Variants in TEX11 observed in about 807,000 individuals in gnomAD.
The protein encoded by TEX11 is testis expressed 11.
TEX11 carries 7 observed loss-of-function variants against 84.4 expected under a neutral mutation model. The ratio of observed to expected loss-of-function variants is 0.08; its 90% CI spans 0.05 to 0.16. The LOEUF is 0.16. Ranked by LOEUF, TEX11 falls within the 10% of genes least tolerant of loss-of-function variation. The pLI is 1.00. For missense variants in TEX11, 551 were observed against 660.5 expected, an observed-to-expected ratio of 0.83 and a Z score of 1.82; for synonymous variants, 264 against 222.8, an observed-to-expected ratio of 1.18 and a Z score of -1.64.
chrX:70,557,946 C>T (rs914913559), intron 25 of TEX11, among the ~76,000 whole-genome samples: 9 of 111,287 alleles, frequency 8.1e-5, no homozygotes, highest in Admixed American at 2.9e-4. Context: ...GTCAGGAGTT[C>T]GAGACCAGCC....
intron 28 of TEX11, among the ~76,000 whole-genome samples, chrX:70,536,258 T>C (rs1353423312): frequency 9.0e-6 from 1 of 111,114 alleles, no homozygotes; most frequent in South Asian, 3.7e-4. Flanking sequence ...TTTATTTATT[T>C]ATTTATTTTT....
At position 70,682,823 on chromosome X, in the gene TEX11, T is replaced by C. The variant is rs1164088818; in HGVS notation, c.1007A>G (p.Glu336Gly). ...CGTCAGGAAATGAAACCCAACAGAT[T>C]CTCTGTACAATGAGACACAATTTTA... is the stretch of plus-strand genomic sequence containing the variant. The part of the protein sequence containing the change: ...IAKLLMDHER[E>G]SVGFHFLTII... The change falls in exon 14 of 30, where the codon GAA becomes GGA. Residue 336 changes from glutamate (E) to glycine (G), a missense_variant and splice_region_variant. By Grantham distance (98) the Glu-to-Gly change is moderately conservative. Transcript: ENST00000374333. The C allele has an allele frequency of 8.3e-7, 1 of 1,207,104 alleles. No homozygotes were observed. The highest frequency in any genetic ancestry group is 1.1e-6 in the Non-Finnish European group (1 of 893,794).
chrX:70,603,994 A>C (rs2089165950), intron 24 of TEX11, among the ~76,000 whole-genome samples: 2 of 112,342 alleles, frequency 1.8e-5, no homozygotes, highest in African/African-American at 6.5e-5. Context: ...AATTATGTAT[A>C]TAGACATCCT....
At chrX:70,617,335 G>C (rs752893014) in intron 20 of TEX11, among the ~76,000 whole-genome samples, 1 of 84,505 alleles carries the variant, frequency 1.2e-5, no homozygotes, top group African/African-American at 3.6e-5. Flanking sequence ...AGAAGAATAA[G>C]TGAAGGTTTT....
intron 13 of TEX11, among the ~76,000 whole-genome samples, chrX:70,701,398 A>C (rs1187820314): frequency 8.9e-6 from 1 of 112,124 alleles, no homozygotes. Context: ...AAATGGAACA[A>C]CAAAGCCTGG....
intron 4 of TEX11, 134 bp downstream of exon 4, chrX:70,873,089 C>A (rs909163150): frequency 1.1e-4 from 42 of 397,516 alleles, no homozygotes; most frequent in Middle Eastern, 5.7e-4. Context: ...AACCATTGTT[C>A]CTGGGTTGTT....
At chrX:70,878,469 C>G (rs1261899184) in intron 3 of TEX11, among the ~76,000 whole-genome samples, 1 of 110,603 alleles carries the variant, frequency 9.0e-6, no homozygotes, top group African/African-American at 3.3e-5. Flanking sequence ...CCGTGCCCAG[C>G]CAACTGGATC....
intron 13 of TEX11, among the ~76,000 whole-genome samples, chrX:70,693,744 A>C (rs891141219): frequency 1.2e-4 from 13 of 111,947 alleles, no homozygotes; most frequent in Non-Finnish European, 2.3e-4. Context: ...TTATGTACTG[A>C]AATTTGCTAA....
chrX:70,808,514 A>T (rs899177099), intron 8 of TEX11, among the ~76,000 whole-genome samples: 11 of 107,484 alleles, frequency 1.0e-4, no homozygotes, highest in Middle Eastern at 4.8e-3. Flanking sequence ...AAATAATAAT[A>T]ATTATTATTA....
At chrX:70,680,872 G>A (rs1391270263) in intron 14 of TEX11, among the ~76,000 whole-genome samples, 1 of 112,067 alleles carries the variant, frequency 8.9e-6, no homozygotes, top group Non-Finnish European at 1.9e-5. Context: ...TATTGTGAAT[G>A]AGCAGACAGC....
At chrX:70,816,020 C>A (rs1236920727) in intron 8 of TEX11, among the ~76,000 whole-genome samples, 1 of 110,779 alleles carries the variant, frequency 9.0e-6, no homozygotes, top group Non-Finnish European at 1.9e-5. Context: ...TTTTGGTGTA[C>A]CCATCAACCG....
intron 21 of TEX11, among the ~76,000 whole-genome samples, chrX:70,609,437 C>T (rs925499802): frequency 9.0e-6 from 1 of 111,720 alleles, no homozygotes; most frequent in Non-Finnish European, 1.9e-5. Flanking sequence ...TCATTCACCA[C>T]CTGAGGTAGA....
intron 15 of TEX11, among the ~76,000 whole-genome samples, chrX:70,678,081 G>C (rs2090089509): frequency 9.0e-6 from 1 of 110,651 alleles, no homozygotes; most frequent in Admixed American, 9.6e-5. Context: ...CAAATTGCTG[G>C]GATTACAGGC....
intron 28 of TEX11, among the ~76,000 whole-genome samples, chrX:70,534,345 G>A (rs1351585830): frequency 1.8e-5 from 2 of 111,054 alleles, no homozygotes; most frequent in Non-Finnish European, 3.8e-5. Context: ...GTGGGAGTGA[G>A]GGAGGTGCTG....
chrX:70,624,401 C>T (rs886452268), intron 19 of TEX11, among the ~76,000 whole-genome samples: 4 of 111,540 alleles, frequency 3.6e-5, no homozygotes, highest in Non-Finnish European at 7.5e-5. Flanking sequence ...GATCACTATT[C>T]TTTGAAGGGA....
intron 11 of TEX11, among the ~76,000 whole-genome samples, chrX:70,731,594 A>G (rs1442460440): frequency 7.2e-5 from 8 of 111,750 alleles, no homozygotes; most frequent in Non-Finnish European, 1.5e-4. Flanking sequence ...CCCTCCCAAG[A>G]CTAAACCAGG....
At chrX:70,524,764 C>A (rs2087807813), downstream of TEX11, among the ~76,000 whole-genome samples, 1 of 112,100 alleles carries the variant, frequency 8.9e-6, no homozygotes, top group Non-Finnish European at 1.9e-5. Context: ...CGGGGTTTCT[C>A]CATGTTGGTC....
intron 9 of TEX11, among the ~76,000 whole-genome samples, chrX:70,751,376 C>G (rs980712294): frequency 9.6e-6 from 1 of 103,707 alleles, no homozygotes; most frequent in East Asian, 3.2e-4. Context: ...AGCAAACTAT[C>G]GCAAGGACAA....
intron 23 of TEX11, among the ~76,000 whole-genome samples, chrX:70,606,388 T>A (rs1285461685): frequency 8.9e-6 from 1 of 112,174 alleles, no homozygotes; most frequent in African/African-American, 3.2e-5. Flanking sequence ...CTGTCAATAC[T>A]TGGTCCTCTT....
Sources: gnomAD v4.1 joint callset for allele counts (sites outside exome capture counted in the v4.1 genomes callset) on GRCh38, gnomAD v4.1.1 for gene constraint, MANE v1.5 for transcripts, NCBI Gene and HGNC (gene_info 2026-07-23, HGNC 2026-07-21) for gene names.